PDE4D: variants seen among roughly 807,000 people sequenced by gnomAD.
The protein encoded by PDE4D is 3',5'-cyclic-AMP phosphodiesterase 4D.
In PDE4D, 24 loss-of-function variants were observed where a neutral mutation model predicts 87.4. That is an observed-to-expected ratio of 0.27 (90% CI 0.20 to 0.39). The LOEUF is 0.39. Among genes scored for constraint, PDE4D ranks in the 10% least tolerant of loss-of-function variants. PDE4D has a pLI of 1.00. For missense variants in PDE4D, 714 were observed against 1,041.0 expected (o/e 0.69, Z 4.32); for synonymous variants, 384 against 383.2 (o/e 1.00, Z -0.02).
chr5:60,477,900 G>A (rs1298899813), intron 1 of PDE4D, among the ~76,000 whole-genome samples: 5 of 152,138 alleles, frequency 3.3e-5, no homozygotes, highest in Non-Finnish European at 7.4e-5. Flanking sequence ...CATGAGTAAG[G>A]CTTGCTAAAA....
chr5:59,441,815 G>A (rs1225964287), intron 1 of PDE4D, among the ~76,000 whole-genome samples: 3 of 152,138 alleles, frequency 2.0e-5, no homozygotes, highest in Non-Finnish European at 2.9e-5. Context: ...TATTGACTCT[G>A]ACTTTGCATT....
chr5:59,144,643 T>C (rs530927389), intron 5 of PDE4D, among the ~76,000 whole-genome samples: 2 of 152,202 alleles, frequency 1.3e-5, no homozygotes, highest in South Asian at 2.1e-4. Context: ...ATGAAGTCTG[T>C]AGTTTATATC....
rs764960338 is a variant in PDE4D, at chr5:59,215,979, A to G, written c.456-11T>C. 1.3e-6 allele frequency: 2 copies of G among 1,595,526 alleles called. No homozygotes were observed. The highest frequency in any genetic ancestry group is 1.7e-6 in the Non-Finnish European group (2 of 1,166,814). Reference sequence around the variant, plus strand: ...TTGTCCACATCAAAACTGTAAAGGAAGGAGAAGGAATTATGTTGCTGTGAA... The same window carrying G: ...TTGTCCACATCAAAACTGTAAAGGAGGGAGAAGGAATTATGTTGCTGTGAA... On this transcript the variant is annotated splice_polypyrimidine_tract_variant and intron_variant, in intron 1 of 14. Transcript: ENST00000340635.
At chr5:60,141,101 T>C (rs1562143395) in intron 2 of PDE4D, among the ~76,000 whole-genome samples, 2 of 152,160 alleles carry the variant, frequency 1.3e-5, no homozygotes, top group Non-Finnish European at 2.9e-5. Context: ...ATCAGTTTCA[T>C]ACTCTTTTTT....
At chr5:59,630,197 T>C (rs1358427836) in intron 1 of PDE4D, among the ~76,000 whole-genome samples, 1 of 152,218 alleles carries the variant, frequency 6.6e-6, no homozygotes, top group Non-Finnish European at 1.5e-5. Flanking sequence ...TACGTCTATA[T>C]ATAATTTTAG....
intron 3 of PDE4D, among the ~76,000 whole-genome samples, chr5:59,975,296 C>T (rs1451175881): frequency 6.6e-6 from 1 of 152,128 alleles, no homozygotes; most frequent in East Asian, 1.9e-4. Context: ...TACATCTTTT[C>T]CAAGGCAGTC....
chr5:59,733,339 A>G (rs1216771426), intron 1 of PDE4D, among the ~76,000 whole-genome samples: 2 of 152,156 alleles, frequency 1.3e-5, no homozygotes, highest in Non-Finnish European at 2.9e-5. Flanking sequence ...CTGGACAGAT[A>G]TAGGATAAAA....
At chr5:60,386,163 C>A (rs1226539886) in intron 1 of PDE4D, among the ~76,000 whole-genome samples, 1 of 151,840 alleles carries the variant, frequency 6.6e-6, no homozygotes, top group East Asian at 1.9e-4. Context: ...ACCAAGGAAA[C>A]TTTGGAAAAA....
At chr5:60,300,370 T>C (rs1430304487) in intron 1 of PDE4D, among the ~76,000 whole-genome samples, 1 of 129,476 alleles carries the variant, frequency 7.7e-6, no homozygotes, top group Non-Finnish European at 1.5e-5. Context: ...CTGATGATAG[T>C]TTTTTTTTGC....
chr5:60,103,836 T>C (rs1776516618), intron 2 of PDE4D, among the ~76,000 whole-genome samples: 1 of 151,638 alleles, frequency 6.6e-6, no homozygotes, highest in African/African-American at 2.4e-5. Flanking sequence ...TATCAAAATA[T>C]GAATTAAAAA....
At chr5:60,035,251 G>A (rs1301583651) in intron 2 of PDE4D, among the ~76,000 whole-genome samples, 13 of 114,586 alleles carry the variant, frequency 1.1e-4, no homozygotes, top group East Asian at 3.7e-4. Context: ...GCGAGACTCC[G>A]TCTCAAAAAA....
intron 1 of PDE4D, among the ~76,000 whole-genome samples, chr5:59,734,782 GA>G (rs1757856842): frequency 6.6e-6 from 1 of 152,120 alleles, no homozygotes; most frequent in South Asian, 2.1e-4. Context: ...AGGGAGAGAT[GA>G]AAAAAGCTCT....
At chr5:59,914,874 T>G (rs1045942152) in intron 3 of PDE4D, among the ~76,000 whole-genome samples, 5 of 65,840 alleles carry the variant, frequency 7.6e-5, no homozygotes, top group African/African-American at 1.2e-4. Context: ...GGGGTGTGTG[T>G]GTGTGTGTGT....
intron 1 of PDE4D, among the ~76,000 whole-genome samples, chr5:59,714,153 C>A (rs1029113993): frequency 6.6e-6 from 1 of 152,190 alleles, no homozygotes; most frequent in African/African-American, 2.4e-5. Flanking sequence ...GGGGCCCCAA[C>A]AAGTGACCCA....
chr5:59,492,782 G>A (rs1208015687), intron 1 of PDE4D, among the ~76,000 whole-genome samples: 1 of 152,112 alleles, frequency 6.6e-6, no homozygotes, highest in East Asian at 1.9e-4. Flanking sequence ...GGAGGCAATC[G>A]AATTATGGGG....
intron 1 of PDE4D, among the ~76,000 whole-genome samples, chr5:59,654,867 T>G (rs1185267827): frequency 1.3e-5 from 2 of 152,176 alleles, no homozygotes; most frequent in South Asian, 2.1e-4. Context: ...TTTCAAGGTT[T>G]ATACATGTAA....
chr5:59,273,817 G>A (rs1159905482), intron 1 of PDE4D, among the ~76,000 whole-genome samples: 2 of 152,092 alleles, frequency 1.3e-5, no homozygotes, highest in Non-Finnish European at 2.9e-5. Flanking sequence ...TATAATAATT[G>A]TGGATAAAAA....
chr5:60,460,000 T>A (rs536252944), intron 1 of PDE4D: 4 of 966,918 alleles, frequency 4.1e-6, no homozygotes, highest in African/African-American at 1.6e-5. Context: ...TTCTTCATCA[T>A]CCATATCGGG....
intron 1 of PDE4D, among the ~76,000 whole-genome samples, chr5:60,468,139 T>TTTTTTTTTG (rs1554040612): frequency 4.2e-4 from 61 of 145,512 alleles, no homozygotes; most frequent in African/African-American, 1.4e-3. Context: ...TCTTTTTTCT[T>TTTTTTTTTG]TTTTTTTTGT....
Sources: allele counts gnomAD v4.1 joint callset (sites outside exome capture counted in the v4.1 genomes callset), GRCh38; gene constraint gnomAD v4.1.1; transcripts MANE v1.5; gene names NCBI Gene and HGNC (gene_info 2026-07-23, HGNC 2026-07-21).